The following CSMD3 variants were observed in gnomAD, a reference collection of about 807,000 sequenced individuals.
CSMD3 encodes CUB and sushi domain-containing protein 3.
A neutral mutation model predicts 435.2 loss-of-function variants in CSMD3; 177 were observed. The ratio of observed to expected loss-of-function variants is 0.41; its 90% CI spans 0.36 to 0.46. The LOEUF (loss-of-function observed/expected upper bound fraction) is 0.46. Ranked by LOEUF, CSMD3 falls within the 20% of genes least tolerant of loss-of-function variation. The pLI is 0.34. For synonymous variants in CSMD3, 1,656 were observed against 1,520.5 expected (o/e 1.09, Z -2.07); for missense variants, 4,265 against 4,504.6 (o/e 0.95, Z 1.52).
At chr8:112,316,490 C>A (rs1013776011) in intron 47 of CSMD3, among the ~76,000 whole-genome samples, 1 of 151,358 alleles carries the variant, frequency 6.6e-6, no homozygotes, top group African/African-American at 2.4e-5. Flanking sequence ...TGGTATGATC[C>A]AATATACTTT....
intron 1 of CSMD3, among the ~76,000 whole-genome samples, chr8:113,435,831 C>T (rs1347941725): frequency 6.6e-6 from 1 of 152,104 alleles, no homozygotes; most frequent in Non-Finnish European, 1.5e-5. Context: ...TCTATTTTCT[C>T]CCTAAGGACA....
chr8:112,320,048 A>G (rs1822849110), intron 45 of CSMD3, 67 bp from the exon 46 acceptor site: 1 of 1,005,228 alleles, frequency 9.9e-7, no homozygotes, highest in South Asian at 1.4e-5. Context: ...ATGCAAAAAA[A>G]CAAGAAAATT....
intron 45 of CSMD3, among the ~76,000 whole-genome samples, chr8:112,331,517 G>A (rs942324351): frequency 6.6e-6 from 1 of 151,810 alleles, no homozygotes; most frequent in African/African-American, 2.4e-5. Flanking sequence ...AAGACAGATG[G>A]CTGCCTGGAT....
intron 30 of CSMD3, among the ~76,000 whole-genome samples, chr8:112,500,919 G>A (rs1821880837): frequency 6.6e-6 from 1 of 152,080 alleles, no homozygotes; most frequent in African/African-American, 2.4e-5. Context: ...TTAGGGTGGG[G>A]TGACCAGCCT....
chr8:113,117,613 G>A (rs757910105), intron 4 of CSMD3, among the ~76,000 whole-genome samples: 27 of 152,186 alleles, frequency 1.8e-4, no homozygotes, highest in Non-Finnish European at 3.2e-4. Flanking sequence ...GCAGATTCAC[G>A]GACAGCTTGC....
intron 5 of CSMD3, among the ~76,000 whole-genome samples, chr8:113,053,912 G>A (rs2088204925): frequency 6.6e-6 from 1 of 152,122 alleles, no homozygotes; most frequent in Non-Finnish European, 1.5e-5. Context: ...AGAGCAATCA[G>A]CATGACATGT....
intron 10 of CSMD3, among the ~76,000 whole-genome samples, chr8:112,914,128 T>C (rs544023763): frequency 1.3e-5 from 2 of 152,058 alleles, no homozygotes; most frequent in South Asian, 4.1e-4. Flanking sequence ...AGAGATAAAA[T>C]GACCAAGTGG....
chr8:112,311,079 G>T lies in CSMD3; in HGVS notation c.7784C>A (p.Ala2595Asp). Reference sequence around the variant, plus strand: ...AACAAGTCGGAATCCTCGATCACAGGCCCAACGGACCACACTGTTAAGCTG... The same window carrying T: ...AACAAGTCGGAATCCTCGATCACAGTCCCAACGGACCACACTGTTAAGCTG... ...GGQLNSVVRW[A>D]CDRGFRLVGK... is the part of the protein sequence containing the mutation. Residue 2595 changes from alanine to aspartate, a missense_variant, in exon 50 of 71, where the codon GCC becomes GAC. Transcript: ENST00000297405. 4 of 1,613,906 alleles carry T rather than the reference G, an allele frequency of 2.5e-6. No individual in the cohort carries two copies. The highest frequency in any genetic ancestry group is 2.5e-6 in the Non-Finnish European group (3 of 1,179,938).
intron 1 of CSMD3, among the ~76,000 whole-genome samples, chr8:113,387,304 T>C (rs2094443361): frequency 6.6e-6 from 1 of 151,780 alleles, no homozygotes; most frequent in Non-Finnish European, 1.5e-5. Context: ...TAAAACTTTT[T>C]GTAAACTGTA....
chr8:112,820,403 A>T (rs1191044993), intron 12 of CSMD3, among the ~76,000 whole-genome samples: 1 of 152,094 alleles, frequency 6.6e-6, no homozygotes, highest in East Asian at 1.9e-4. Flanking sequence ...CTACCTAAAA[A>T]TTGTATAGTA....
intron 4 of CSMD3, among the ~76,000 whole-genome samples, chr8:113,100,059 T>C (rs1232173759): frequency 6.6e-6 from 1 of 151,860 alleles, no homozygotes; most frequent in African/African-American, 2.4e-5. Context: ...GGGTAGAACA[T>C]AAAAAAAATT....
chr8:112,934,197 C>T (rs2083206512), intron 9 of CSMD3, among the ~76,000 whole-genome samples: 2 of 152,026 alleles, frequency 1.3e-5, no homozygotes, highest in Non-Finnish European at 2.9e-5. Context: ...TTACAAATAT[C>T]ATGTTGTTTT....
chr8:112,525,015 G>T (rs893109648), intron 27 of CSMD3, among the ~76,000 whole-genome samples: 2 of 150,830 alleles, frequency 1.3e-5, no homozygotes, highest in African/African-American at 4.9e-5. Context: ...TTAAACTGTC[G>T]GTAGCTCGAC....
chr8:112,606,972 G>GAAAAAAAAAAAAAAAAAAAAAAAA (rs71309778), intron 22 of CSMD3, among the ~76,000 whole-genome samples: 5 of 36,646 alleles, frequency 1.4e-4, no homozygotes, highest in Non-Finnish European at 2.4e-4. Context: ...CTCAAGCTAT[G>GAAAAAAAAAAAAAAAAAAAAAAAA]AAAAAAAAAA....
intron 4 of CSMD3, among the ~76,000 whole-genome samples, chr8:113,152,986 A>T (rs2131794914): frequency 6.6e-6 from 1 of 151,652 alleles, no homozygotes; most frequent in South Asian, 2.1e-4. Flanking sequence ...AAAAGAAAAC[A>T]AAACAAAACA....
At chr8:113,055,466 T>C (rs2088285006) in intron 5 of CSMD3, among the ~76,000 whole-genome samples, 1 of 152,210 alleles carries the variant, frequency 6.6e-6, no homozygotes, top group Non-Finnish European at 1.5e-5. Context: ...GGAGACCTTC[T>C]TTTCTGAGTG....
intron 32 of CSMD3, among the ~76,000 whole-genome samples, chr8:112,410,638 G>GTATATATATGTGTATATATGTA (rs1563913184): frequency 2.0e-5 from 1 of 50,252 alleles, no homozygotes; most frequent in Non-Finnish European, 4.0e-5. Context: ...GTATATATAT[G>GTATATATATGTGTATATATGTA]TATATATATA....
intron 5 of CSMD3, among the ~76,000 whole-genome samples, chr8:113,043,073 C>A (rs879050066): frequency 6.6e-6 from 1 of 152,178 alleles, no homozygotes; most frequent in Non-Finnish European, 1.5e-5. Flanking sequence ...ATATTCTATG[C>A]ACCTTATGTG....
chr8:112,641,674 A>C (rs1328394385), intron 20 of CSMD3, among the ~76,000 whole-genome samples: 3 of 151,972 alleles, frequency 2.0e-5, no homozygotes, highest in African/African-American at 7.2e-5. Flanking sequence ...CCAACTCTAC[A>C]AAAAAATACA....
Sources: gnomAD v4.1 joint callset for allele counts (sites outside exome capture counted in the v4.1 genomes callset) on GRCh38, gnomAD v4.1.1 for gene constraint, MANE v1.5 for transcripts, NCBI Gene and HGNC (gene_info 2026-07-23, HGNC 2026-07-21) for gene names.